KCNQ3: variants seen among roughly 807,000 people sequenced by gnomAD.
The protein encoded by KCNQ3 is potassium voltage-gated channel subfamily KQT member 3.
KCNQ3 carries 30 observed loss-of-function variants against 92.5 expected under a neutral mutation model. The observed-to-expected ratio is 0.32, with a 90% CI of 0.24 to 0.44. The LOEUF is 0.44. Ranked by LOEUF, KCNQ3 falls within the 20% of genes least tolerant of loss-of-function variation. The pLI is 1.00. For missense variants in KCNQ3, 913 were observed against 1,140.3 expected (o/e 0.80, Z 2.87); for synonymous variants, 450 against 468.8 (o/e 0.96, Z 0.52).
intron 9 of KCNQ3, among the ~76,000 whole-genome samples, chr8:132,144,707 A>G (rs1825401325): frequency 6.6e-6 from 1 of 152,184 alleles, no homozygotes; most frequent in Non-Finnish European, 1.5e-5. Flanking sequence ...AACTCCGTGT[A>G]GTTTCTTCAC....
intron 14 of KCNQ3, among the ~76,000 whole-genome samples, chr8:132,131,842 C>T (rs1218583621): frequency 3.9e-5 from 6 of 152,114 alleles, no homozygotes; most frequent in African/African-American, 1.4e-4. Flanking sequence ...AATCCCAGCA[C>T]TTTGGTAGGC....
intron 1 of KCNQ3, among the ~76,000 whole-genome samples, chr8:132,281,313 A>G (rs1474438474): frequency 6.6e-6 from 1 of 152,162 alleles, no homozygotes; most frequent in African/African-American, 2.4e-5. Flanking sequence ...GCACTCCCCA[A>G]GAGGTGCTCT....
chr8:132,479,004 G>A (rs975594336), intron 1 of KCNQ3, among the ~76,000 whole-genome samples: 1 of 152,124 alleles, frequency 6.6e-6, no homozygotes, highest in African/African-American at 2.4e-5. Flanking sequence ...CAAGGTCATA[G>A]GCAATTCCCT....
chr8:132,190,815 G>T (rs934815943), intron 1 of KCNQ3, among the ~76,000 whole-genome samples: 2 of 152,226 alleles, frequency 1.3e-5, no homozygotes, highest in African/African-American at 4.8e-5. Context: ...ATACCATGTG[G>T]AATGGGAATC....
chr8:132,138,103 G>T, intron 11 of KCNQ3, 87 bp from the exon 12 acceptor site: 1 of 1,484,990 alleles, frequency 6.7e-7, no homozygotes. Flanking sequence ...CAGGGCAGGG[G>T]GAGAAAAGAA....
At chr8:132,452,214 G>A (rs946274290) in intron 1 of KCNQ3, among the ~76,000 whole-genome samples, 3 of 152,116 alleles carry the variant, frequency 2.0e-5, no homozygotes, top group African/African-American at 7.2e-5. Context: ...CCCCCAAAAT[G>A]AAACACTGTT....
At position 132,355,468 on chromosome 8, in the gene KCNQ3, T is replaced by C. The variant is rs1818993977; in HGVS notation, c.386+124679A>G. Among the ~76,000 whole-genome samples the C allele has an allele frequency of 2.0e-5, 3 of 152,104 alleles. No homozygotes were observed. In the South Asian group the frequency reaches 6.2e-4, roughly 32 times the overall value. ...AATAGTTCACTCTCTGTCACAGTGA[T>C]TGGTCCAGGGATTGACATGTAACCC... is the stretch of plus-strand genomic sequence containing the variant. On this transcript the variant is annotated intron_variant, in intron 1 of 14. Coordinates refer to ENST00000388996, the MANE Select transcript of KCNQ3 (RefSeq NM_004519.4).
chr8:132,134,465 T>C, intron 12 of KCNQ3, 77 bp from the exon 13 acceptor site: 1 of 1,041,736 alleles, frequency 9.6e-7, no homozygotes, highest in Non-Finnish European at 1.5e-6. Flanking sequence ...TTCTATTCTC[T>C]CTAGAATGAG....
chr8:132,259,654 A>C (rs1465774145), intron 1 of KCNQ3, among the ~76,000 whole-genome samples: 2 of 152,158 alleles, frequency 1.3e-5, no homozygotes. Flanking sequence ...TCTATTCAGG[A>C]CAATGAGGCA....
chr8:132,373,108 T>C (rs910196107), intron 1 of KCNQ3, among the ~76,000 whole-genome samples: 2 of 152,120 alleles, frequency 1.3e-5, no homozygotes, highest in Non-Finnish European at 2.9e-5. Flanking sequence ...CCCAGCCCCA[T>C]GCAGGCCTTT....
At chr8:132,309,282 T>C (rs2130606532) in intron 1 of KCNQ3, among the ~76,000 whole-genome samples, 1 of 152,314 alleles carries the variant, frequency 6.6e-6, no homozygotes, top group Middle Eastern at 3.4e-3. Flanking sequence ...CTCTATCTGA[T>C]TAGTTCTGTC....
chr8:132,148,578 A>G (rs1322022123), intron 9 of KCNQ3, among the ~76,000 whole-genome samples: 1 of 152,230 alleles, frequency 6.6e-6, no homozygotes, highest in Non-Finnish European at 1.5e-5. Context: ...GACAGCTGAT[A>G]AAACTTCATT....
At chr8:132,302,789 T>C (rs1259672608) in intron 1 of KCNQ3, among the ~76,000 whole-genome samples, 4 of 152,172 alleles carry the variant, frequency 2.6e-5, no homozygotes, top group African/African-American at 4.8e-5. Context: ...CTAATTTTAC[T>C]AGGAAATCCA....
chr8:132,226,078 T>C (rs1201697401), intron 1 of KCNQ3, among the ~76,000 whole-genome samples: 2 of 152,140 alleles, frequency 1.3e-5, no homozygotes, highest in Non-Finnish European at 2.9e-5. Flanking sequence ...GAGACCATCC[T>C]GGCTAACGTG....
intron 1 of KCNQ3, among the ~76,000 whole-genome samples, chr8:132,388,145 G>A (rs551276579): frequency 2.6e-5 from 4 of 152,282 alleles, no homozygotes; most frequent in South Asian, 4.1e-4. Context: ...AAATTAAAAT[G>A]TGATATGACT....
In KCNQ3 at chr8:132,122,765, G is replaced by A. The variant is rs1445696841; in HGVS notation, c.*6497C>T. 1 of 152,202 alleles carries A rather than the reference G, an allele frequency of 6.6e-6. No individual in the cohort carries two copies. The highest frequency in any genetic ancestry group is 1.5e-5 in the Non-Finnish European group (1 of 68,030). The allele number at this position is 152,202 out of a possible 1,614,324, so 9.4% of individuals were successfully genotyped here. A position where few individuals can be genotyped will look rare whatever the true frequency, so the allele number is the denominator to read the frequency against. ...CCTACCACAGGGATTCACAAGGACT[G>A]CTGGGGAGCCCTGCCAAATTCTGGC... On this transcript the variant is annotated 3_prime_UTR_variant, in exon 15 of 15. Coordinates refer to ENST00000388996, the MANE Select transcript of KCNQ3 (RefSeq NM_004519.4).
intron 1 of KCNQ3, among the ~76,000 whole-genome samples, chr8:132,446,770 G>A (rs1563915439): frequency 1.3e-5 from 2 of 152,138 alleles, no homozygotes; most frequent in Non-Finnish European, 2.9e-5. Context: ...CTTTCTCCAA[G>A]CCCATAAATT....
chr8:132,324,719 A>C (rs1431103956), intron 1 of KCNQ3, among the ~76,000 whole-genome samples: 1 of 152,198 alleles, frequency 6.6e-6, no homozygotes, highest in Non-Finnish European at 1.5e-5. Context: ...AAGGACAATG[A>C]GTAGATCAGC....
In KCNQ3 at chr8:132,425,238, C is replaced by T. The variant is rs111818374; in HGVS notation, c.386+54909G>A. Among the ~76,000 whole-genome samples, 184 of 152,302 alleles carry T rather than the reference C, an allele frequency of 1.2e-3. 1 individual carries two copies. Among genetic ancestry groups the T allele is most frequent in the African/African-American group, 4.3e-3 (180 of 41,560 alleles). ...AATGCCAGAATAAAGAGAAGAGCTG[C>T]TATTTATAGAAGGCGTAGTGGGTAA... is the stretch of plus-strand genomic sequence containing the variant. On this transcript the variant is annotated intron_variant, in intron 1 of 14. Coordinates refer to ENST00000388996, the MANE Select transcript of KCNQ3 (RefSeq NM_004519.4).
Sources: gnomAD v4.1 joint callset for allele counts (sites outside exome capture counted in the v4.1 genomes callset) on GRCh38, gnomAD v4.1.1 for gene constraint, MANE v1.5 for transcripts, NCBI Gene and HGNC (gene_info 2026-07-23, HGNC 2026-07-21) for gene names.